Variants in OR6K3 observed in about 807,000 individuals in gnomAD.
OR6K3 encodes olfactory receptor 6K3.
For missense variants in OR6K3, 396 were observed against 382.5 expected (o/e 1.04, Z -0.29); for synonymous variants, 169 against 137.7 (o/e 1.23, Z -1.59).
upstream of OR6K3, among the ~76,000 whole-genome samples, chr1:158,723,277 A>G (rs193213915): frequency 2.3e-4 from 35 of 150,150 alleles, no homozygotes; most frequent in Non-Finnish European, 1.8e-4. Context: ...TGTGCTGGAG[A>G]CTACTTTTAA....
chr1:158,723,321 T>A (rs1656321541), upstream of OR6K3, among the ~76,000 whole-genome samples: 1 of 151,912 alleles, frequency 6.6e-6, no homozygotes, highest in South Asian at 2.1e-4. Context: ...TTGGATGAAT[T>A]CAACCAAAGC....
Position 158,717,599 on chromosome 1 carries a change from G to A in OR6K3, c.517C>T (p.Gln173Ter). 1.2e-6 allele frequency: 2 copies of A among 1,613,794 alleles called. No individual in the cohort carries two copies. The highest frequency in any genetic ancestry group is 1.7e-6 in the Non-Finnish European group (2 of 1,179,832). Reference protein sequence around the residue: ...ISTLPFCGPNQIHQIFCDLVP... With the variant: ...ISTLPFCGPN The stretch of plus-strand genomic sequence containing the variant: ...AAGTCACAGAAGATCTGATGGATTT[G>A]GTTGGGCCCACAGAAAGGCAGTGTG... Residue 173 changes from glutamine to a stop codon, truncating the protein, a stop_gained, in exon 2 of 2, where the codon CAA becomes TAA. Coordinates refer to ENST00000368145, the MANE Select transcript of OR6K3 (RefSeq NM_001005327.3). LOFTEE classifies it low-confidence loss of function (END_TRUNC).
At chr1:158,720,410 A>G (rs1252282984) in intron 1 of OR6K3, among the ~76,000 whole-genome samples, 1 of 152,008 alleles carries the variant, frequency 6.6e-6, no homozygotes, top group Non-Finnish European at 1.5e-5. Flanking sequence ...GGGAACTATG[A>G]CAATTCAGTT....
upstream of OR6K3, chr1:158,720,809 C>T (rs747132233): frequency 6.6e-6 from 1 of 152,026 alleles, no homozygotes; most frequent in Non-Finnish European, 1.5e-5. Context: ...GGAAAGGGAA[C>T]TGGGCTCTGT....
upstream of OR6K3, among the ~76,000 whole-genome samples, chr1:158,721,879 A>G (rs1005996728): frequency 1.3e-5 from 2 of 151,914 alleles, no homozygotes; most frequent in African/African-American, 4.8e-5. Context: ...AGTATTTAAT[A>G]TATTCTTCAA....
In OR6K3 at chr1:158,717,854, C is replaced by T. The variant is rs1571569926; in HGVS notation, c.262G>A (p.Glu88Lys). 3 of 1,613,786 alleles carry T rather than the reference C, an allele frequency of 1.9e-6. No individual in the cohort carries two copies. The highest frequency in any genetic ancestry group is 1.1e-5 in the South Asian group (1 of 91,056). ...IPKMLSNLIS[E>K]KKAISMTGCI... ...CCAGTCATTGAGATGGCCTTCTTTT[C>T]ACTGATGAGGTTGGAGAGCATCTTG... The change falls in exon 2 of 2, where the codon GAA becomes AAA. Residue 88 changes from glutamate (E) to lysine (K), a missense_variant. Physicochemically the swap from Glu to Lys is moderately conservative, Grantham distance 56. Transcript: ENST00000368145.
chr1:158,721,867 G>A (rs1274855255), upstream of OR6K3, among the ~76,000 whole-genome samples: 2 of 151,576 alleles, frequency 1.3e-5, no homozygotes, highest in South Asian at 2.1e-4. Flanking sequence ...TTAATTTCCT[G>A]TAGTATTTAA....
At position 158,718,029 on chromosome 1, in the gene OR6K3, A is replaced by G. The variant is rs766090154; in HGVS notation, c.87T>C (p.Phe29=). Residue 29 remains phenylalanine (F), a synonymous_variant, in exon 2 of 2, where the codon TTT becomes TTC. Transcript: ENST00000368145. ...TAAAAGTATAGATGAAAAGTAAAGGAAAGAAGTACAGGAGACTACCATCCT... is the reference window on the plus strand; with the variant it reads ...TAAAAGTATAGATGAAAAGTAAAGGGAAGAAGTACAGGAGACTACCATCCT... ...QLQDGSLLYF[F]PLLFIYTFII... is the part of the protein sequence containing the mutation. 6.2e-7 allele frequency: 1 copy of G among 1,612,860 alleles called. No homozygotes were observed.
In OR6K3 at chr1:158,717,436, A is replaced by T. The variant is rs776303288; in HGVS notation, c.680T>A (p.Ile227Asn). 6.2e-7 allele frequency: 1 copy of T among 1,613,750 alleles called. No individual in the cohort carries two copies. Among genetic ancestry groups the T allele is most frequent in the Non-Finnish European group, 8.5e-7 (1 of 1,179,762 alleles). Residue 227 changes from isoleucine (I) to asparagine (N), a missense_variant, in exon 2 of 2, where the codon ATT becomes AAT. Ile to Asn is a moderately radical substitution (Grantham distance 149). Coordinates refer to ENST00000368145, the MANE Select transcript of OR6K3 (RefSeq NM_001005327.3). The part of the protein sequence containing the change: ...YVRIVTVILR[I>N]PSSEGRQKAF... ...CTTTTGCCTCCCTTCAGAAGAGGGA[A>T]TCCTCAATATCACAGTGACAATTCT...
chr1:158,719,252 TGTC>T (rs1263584713), intron 1 of OR6K3, among the ~76,000 whole-genome samples: 2 of 152,040 alleles, frequency 1.3e-5, no homozygotes, highest in Non-Finnish European at 2.9e-5. Context: ...TAGCTTGTGT[TGTC>T]TTTCTTAAAT....
In OR6K3 at chr1:158,716,918, G is replaced by A; in HGVS notation, c.*250C>T. 2 of 366,954 alleles carry A rather than the reference G, an allele frequency of 5.5e-6. No homozygotes were observed. Among genetic ancestry groups the A allele is most frequent in the South Asian group, 6.0e-5 (2 of 33,148 alleles). The allele number at this position is 366,954 out of a possible 1,614,324, so 22.7% of individuals were successfully genotyped here. On this transcript the variant is annotated 3_prime_UTR_variant, in exon 2 of 2. Transcript: ENST00000368145. ...GGATCACCTAAGGTCAGGAGTTCAA[G>A]ACCAGCCTGACCAACACAGTGAAAC...
Position 158,717,179 on chromosome 1 carries a change from G to T in OR6K3, c.937C>A (p.Pro313Thr), listed in dbSNP as rs370459504. ...LFCLQKVLNK[P>T]GG ...CCTGTGGCTCTGTATTAACCTCCAG[G>T]CTTGTTCAACACTTTTTGAAGACAG... is the stretch of plus-strand genomic sequence containing the variant. The change falls in exon 2 of 2, where the codon CCT becomes ACT. Residue 313 changes from proline to threonine, a missense_variant. Pro to Thr is a conservative substitution (Grantham distance 38, BLOSUM62 -1). Coordinates refer to ENST00000368145, the MANE Select transcript of OR6K3 (RefSeq NM_001005327.3). The T allele has an allele frequency of 3.4e-5, 54 of 1,607,792 alleles. No homozygotes were observed. The highest frequency in any genetic ancestry group is 4.5e-5 in the Non-Finnish European group (53 of 1,175,858).
Position 158,717,498 on chromosome 1 carries a change from G to T in OR6K3, c.618C>A (p.Ile206=). The stretch of plus-strand genomic sequence containing the variant: ...GGGCAATGATTAGGAAGGTAATGAT[G>T]ATGGTCACAGCATGAATCACATCCT... ...LIEDVIHAVT[I]IITFLIIALS... Residue 206 remains isoleucine (I), a synonymous_variant, in exon 2 of 2, where the codon ATC becomes ATA. Coordinates refer to ENST00000368145, the MANE Select transcript of OR6K3 (RefSeq NM_001005327.3). 6.2e-7 allele frequency: 1 copy of T among 1,613,748 alleles called. No homozygotes were observed. Among genetic ancestry groups the T allele is most frequent in the African/African-American group, 1.3e-5 (1 of 75,008 alleles).
chr1:158,717,105 T>G lies in OR6K3; in HGVS notation c.*63A>C. ...TGCACTCCAGCCCAGGCAACAAGAG[T>G]GAAACTCCATCTCAAAAAACAAAAC... On this transcript the variant is annotated 3_prime_UTR_variant, in exon 2 of 2. Coordinates refer to ENST00000368145, the MANE Select transcript of OR6K3 (RefSeq NM_001005327.3). The G allele has an allele frequency of 8.6e-7, 1 of 1,161,014 alleles. No individual in the cohort carries two copies. The highest frequency in any genetic ancestry group is 1.3e-6 in the Non-Finnish European group (1 of 796,928). 71.9% of individuals were successfully genotyped at this position (1,161,014 alleles called of 1,614,324 possible).
Position 158,717,490 on chromosome 1 carries a change from GTAA to G in OR6K3, c.623_625del (p.Ile208del), listed in dbSNP as rs1349215241. ...ATAGGACAGGGCAATGATTAGGAAGGTAATGATGATGGTCACAGCATGAATCAC... is the reference window on the plus strand; with the variant it reads ...ATAGGACAGGGCAATGATTAGGAAGGTGATGATGGTCACAGCATGAATCAC... On this transcript the variant is annotated inframe_deletion, in exon 2 of 2. Coordinates refer to ENST00000368145, the MANE Select transcript of OR6K3 (RefSeq NM_001005327.3). 4 of 1,613,750 alleles carry G rather than the reference GTAA, an allele frequency of 2.5e-6. No individual in the cohort carries two copies. The South Asian group carries it at 4.4e-5, about 18-fold the overall frequency.
At chr1:158,724,567 G>C (rs1656344985), upstream of OR6K3, 1 of 263,792 alleles carries the variant, frequency 3.8e-6, no homozygotes, top group Admixed American at 4.1e-5. Flanking sequence ...GAAGGGCAGT[G>C]TGGAAATCCA....
upstream of OR6K3, chr1:158,724,832 T>C (rs1656353209): frequency 4.6e-6 from 1 of 219,054 alleles, no homozygotes; most frequent in Non-Finnish European, 9.8e-6. Context: ...TTGGGAATTG[T>C]GGCAGTTGTG....
chr1:158,723,110 C>A (rs1318736328), upstream of OR6K3, among the ~76,000 whole-genome samples: 1 of 151,892 alleles, frequency 6.6e-6, no homozygotes, highest in Non-Finnish European at 1.5e-5. Flanking sequence ...ATACACAAAT[C>A]TAAACTTGAA....
rs1389707453 is a variant in OR6K3 at position 158,718,148 on chromosome 1, G to A, written c.-17-16C>T. The stretch of plus-strand genomic sequence containing the variant: ...GTAGAGCTACCTGTAAATGGAGAGG[G>A]CATAGTCCAGCACATGAGAGGGTAG... On this transcript the variant is annotated splice_polypyrimidine_tract_variant and intron_variant, in intron 1 of 1. Transcript: ENST00000368145. The A allele has an allele frequency of 2.3e-6, 3 of 1,315,910 alleles. No individual in the cohort carries two copies. In the African/African-American group the frequency reaches 4.4e-5, roughly 19 times the overall value. 81.5% of individuals were successfully genotyped at this position (1,315,910 alleles called of 1,614,324 possible). A position where few individuals can be genotyped will look rare whatever the true frequency, so the allele number is the denominator to read the frequency against.
Sources: gnomAD v4.1 joint callset for allele counts (sites outside exome capture counted in the v4.1 genomes callset) on GRCh38, gnomAD v4.1.1 for gene constraint, MANE v1.5 for transcripts, NCBI Gene and HGNC (gene_info 2026-07-23, HGNC 2026-07-21) for gene names.